The following WDFY1 variants were observed in gnomAD, a reference collection of about 807,000 sequenced individuals.
The protein encoded by WDFY1 is WD repeat and FYVE domain containing 1.
A neutral mutation model predicts 56.4 loss-of-function variants in WDFY1; 32 were observed. The ratio of observed to expected loss-of-function variants is 0.57; its 90% CI spans 0.43 to 0.76. The LOEUF is 0.76. WDFY1 is among the 30% of genes least tolerant of loss of function. The pLI is 0.00. For missense variants in WDFY1, 480 were observed against 545.7 expected (o/e 0.88, Z 1.20); for synonymous variants, 192 against 197.3 (o/e 0.97, Z 0.23).
At chr2:223,938,444 A>G (rs1443761599) in intron 1 of WDFY1, among the ~76,000 whole-genome samples, 1 of 152,222 alleles carries the variant, frequency 6.6e-6, no homozygotes, top group African/African-American at 2.4e-5. Flanking sequence ...CTCTGAAAGC[A>G]GAGTCTTATT....
At chr2:223,941,610 T>C (rs752504671) in intron 1 of WDFY1, among the ~76,000 whole-genome samples, 10 of 152,116 alleles carry the variant, frequency 6.6e-5, no homozygotes, top group Non-Finnish European at 1.2e-4. Flanking sequence ...ATCTCTTCAC[T>C]AGACTGTTCA....
At chr2:223,926,646 ATGTGCGTGTG>A (rs1484660967) in intron 1 of WDFY1, among the ~76,000 whole-genome samples, 4 of 145,046 alleles carry the variant, frequency 2.8e-5, no homozygotes, top group Non-Finnish European at 4.5e-5. Flanking sequence ...ATATACAAAT[ATGTGCGTGTG>A]TGTGTGTGTG....
chr2:223,901,522 C>T (rs1291358508), intron 4 of WDFY1, among the ~76,000 whole-genome samples, 189 bp from the exon 5 acceptor site: 18 of 152,160 alleles, frequency 1.2e-4, no homozygotes, highest in South Asian at 2.1e-4. Flanking sequence ...AGCACAGGCT[C>T]TCTCCAAGGC....
intron 1 of WDFY1, among the ~76,000 whole-genome samples, chr2:223,933,961 CAAA>C (rs368902455): frequency 3.9e-5 from 2 of 51,010 alleles, no homozygotes; most frequent in Non-Finnish European, 6.9e-5. Flanking sequence ...GACCCTGCCT[CAAA>C]AAAAAAAAAA....
rs1693451856 is a variant in WDFY1 at position 223,899,000 on chromosome 2, G to A, written c.556C>T (p.Gln186Ter). ...GTTGTGATGACTGAACACGTGTTCT[G>A]TTCAAGCTTCAGCAGGGTGATCTGC... ...SGQITLLKLE[Q>*]NTCSVITTLK... The change falls in exon 6 of 12, where the codon CAG becomes TAG. Residue 186 changes from glutamine (Q) to a stop codon, truncating the protein, a stop_gained. Coordinates refer to ENST00000233055, the MANE Select transcript of WDFY1 (RefSeq NM_020830.5). LOFTEE classifies it high-confidence loss of function. The A allele has an allele frequency of 3.1e-6, 5 of 1,614,150 alleles. No individual in the cohort carries two copies. The highest frequency in any genetic ancestry group is 3.4e-6 in the Non-Finnish European group (4 of 1,180,020).
chr2:223,924,721 A>T (rs1201718740), intron 1 of WDFY1, among the ~76,000 whole-genome samples: 1 of 152,198 alleles, frequency 6.6e-6, no homozygotes, highest in Non-Finnish European at 1.5e-5. Flanking sequence ...TTATTTTCCA[A>T]GTAAATAAAA....
At position 223,917,818 on chromosome 2, in the gene WDFY1, C is replaced by T. The variant is rs139844621; in HGVS notation, c.205+125G>A. 846 of 1,030,988 alleles carry T rather than the reference C, an allele frequency of 8.2e-4. 7 individuals carry two copies. The African/African-American group carries it at 0.01, about 13-fold the overall frequency. The allele number at this position is 1,030,988 out of a possible 1,614,324, so 63.9% of individuals were successfully genotyped here. A position where few individuals can be genotyped will look rare whatever the true frequency, so the allele number is the denominator to read the frequency against. ...AACTCCTGACCCCAGGTGATCTACCCGCCTTGGCCTCTCAAAGTGCTGGGA... is the reference window on the plus strand; with the variant it reads ...AACTCCTGACCCCAGGTGATCTACCTGCCTTGGCCTCTCAAAGTGCTGGGA... On this transcript the variant is annotated intron_variant, in intron 2 of 11. Coordinates refer to ENST00000233055, the MANE Select transcript of WDFY1 (RefSeq NM_020830.5).
intron 2 of WDFY1, among the ~76,000 whole-genome samples, chr2:223,914,280 A>G (rs1322989647): frequency 1.3e-5 from 2 of 152,138 alleles, no homozygotes; most frequent in Non-Finnish European, 2.9e-5. Flanking sequence ...TACAGGCATG[A>G]GCCACCATGC....
chr2:223,912,414 TA>T, intron 2 of WDFY1, 88 bp from the exon 3 acceptor site: 1 of 1,023,454 alleles, frequency 9.8e-7, no homozygotes, highest in Admixed American at 3.0e-5. Context: ...TGATAAGAAC[TA>T]TATAATTTAG....
intron 6 of WDFY1, among the ~76,000 whole-genome samples, chr2:223,897,361 TA>T (rs1693400135): frequency 4.3e-5 from 1 of 23,090 alleles, no homozygotes; most frequent in Admixed American, 4.3e-4. Flanking sequence ...CATATATATA[TA>T]TATATATATA....
Position 223,899,050 on chromosome 2 carries a change from T to A in WDFY1, c.506A>T (p.Tyr169Phe). ...SCLQYDFDTQYAFVGDYSGQI... is the reference protein window; with the variant it reads ...SCLQYDFDTQFAFVGDYSGQI... ...CCCAGAATAATCACCAACGAAAGCATACTGAGTGTCAAAGTCATATCTGAG... is the reference window on the plus strand; with the variant it reads ...CCCAGAATAATCACCAACGAAAGCAAACTGAGTGTCAAAGTCATATCTGAG... Residue 169 changes from tyrosine to phenylalanine, a missense_variant, in exon 6 of 12, where the codon TAT (tyrosine) becomes TTT (phenylalanine). Coordinates refer to ENST00000233055, the MANE Select transcript of WDFY1 (RefSeq NM_020830.5). The A allele has an allele frequency of 1.2e-6, 2 of 1,614,138 alleles. No individual in the cohort carries two copies. Among genetic ancestry groups the A allele is most frequent in the Non-Finnish European group, 1.7e-6 (2 of 1,180,002 alleles).
chr2:223,928,566 C>T (rs751988063), intron 1 of WDFY1, among the ~76,000 whole-genome samples: 1 of 152,136 alleles, frequency 6.6e-6, no homozygotes, highest in Non-Finnish European at 1.5e-5. Context: ...CACTTAGGGA[C>T]TTATTTTATG....
intron 4 of WDFY1, among the ~76,000 whole-genome samples, chr2:223,904,899 T>C (rs1363884974): frequency 2.6e-5 from 4 of 152,142 alleles, no homozygotes; most frequent in Non-Finnish European, 5.9e-5. Context: ...TTTTAAAATA[T>C]TGAAATTTAC....
chr2:223,915,347 A>C (rs1693769533), intron 2 of WDFY1, among the ~76,000 whole-genome samples: 1 of 152,230 alleles, frequency 6.6e-6, no homozygotes, highest in Non-Finnish European at 1.5e-5. Flanking sequence ...AAGTTAGAAA[A>C]GGCTGAAGAC....
chr2:223,904,560 T>C (rs1328641909), intron 4 of WDFY1, among the ~76,000 whole-genome samples: 1 of 152,102 alleles, frequency 6.6e-6, no homozygotes, highest in Non-Finnish European at 1.5e-5. Context: ...GATGCTTTTC[T>C]CCTATTTTAA....
At chr2:223,940,565 G>A (rs1327905106) in intron 1 of WDFY1, among the ~76,000 whole-genome samples, 2 of 151,976 alleles carry the variant, frequency 1.3e-5, no homozygotes, top group Non-Finnish European at 2.9e-5. Flanking sequence ...TACAAATTCC[G>A]ATCATATCAT....
intron 5 of WDFY1, among the ~76,000 whole-genome samples, chr2:223,900,148 T>A (rs1693480354): frequency 6.6e-6 from 1 of 152,218 alleles, no homozygotes; most frequent in South Asian, 2.1e-4. Context: ...AGGATAACTA[T>A]CACTCTTCCA....
intron 9 of WDFY1, 39 bp downstream of exon 9, chr2:223,884,609 C>T (rs1253617250): frequency 6.3e-7 from 1 of 1,593,610 alleles, no homozygotes; most frequent in Non-Finnish European, 8.6e-7. Flanking sequence ...TAGTGAAATA[C>T]ACAATCAAGC....
chr2:223,882,919 G>C (rs1157253493), intron 9 of WDFY1, among the ~76,000 whole-genome samples: 2 of 152,100 alleles, frequency 1.3e-5, no homozygotes, highest in East Asian at 3.9e-4. Flanking sequence ...TGCAGAGACA[G>C]GGTCTTGCTA....
Sources: gnomAD v4.1 joint callset for allele counts (sites outside exome capture counted in the v4.1 genomes callset) on GRCh38, gnomAD v4.1.1 for gene constraint, MANE v1.5 for transcripts, NCBI Gene and HGNC (gene_info 2026-07-23, HGNC 2026-07-21) for gene names.